The following ANKRD55 variants were observed in gnomAD, a reference collection of about 807,000 sequenced individuals.
ANKRD55 encodes ankyrin repeat domain-containing protein 55.
A neutral mutation model predicts 60.6 loss-of-function variants in ANKRD55; 41 were observed. The observed-to-expected ratio is 0.68, with a 90% CI of 0.53 to 0.88. The LOEUF is 0.88. Ranked by LOEUF, ANKRD55 falls within the 40% of genes least tolerant of loss-of-function variation. The pLI, the probability that ANKRD55 is intolerant of heterozygous loss-of-function variation, is 0.00. For missense variants in ANKRD55, 732 were observed against 767.6 expected (o/e 0.95, Z 0.55); for synonymous variants, 264 against 290.3 (o/e 0.91, Z 0.92).
At chr5:56,152,904 A>G (rs141998899) in intron 6 of ANKRD55, among the ~76,000 whole-genome samples, 14 of 152,146 alleles carry the variant, frequency 9.2e-5, no homozygotes, top group Non-Finnish European at 1.9e-4. Flanking sequence ...TTAAAAAGAC[A>G]TCAAAAGAAA....
intron 2 of ANKRD55, among the ~76,000 whole-genome samples, chr5:56,194,298 A>G (rs1317843916): frequency 2.0e-5 from 3 of 150,920 alleles, no homozygotes; most frequent in Admixed American, 6.6e-5. Context: ...CCTGGGTGAC[A>G]GAGTGAGACT....
chr5:56,191,789 T>C (rs566270417), intron 2 of ANKRD55, among the ~76,000 whole-genome samples: 8 of 152,304 alleles, frequency 5.3e-5, no homozygotes, highest in South Asian at 2.1e-4. Context: ...GGCCCTGCGA[T>C]GTACACTAAA....
intron 2 of ANKRD55, among the ~76,000 whole-genome samples, chr5:56,220,697 CAGCTACTTAGG>C (rs1759937640): frequency 1.3e-5 from 2 of 151,926 alleles, no homozygotes; most frequent in Admixed American, 1.3e-4. Context: ...TCTGTAATCC[CAGCTACTTAGG>C]AGGCTGAGGC....
chr5:56,193,549 T>C, intron 2 of ANKRD55: 1 of 394,294 alleles, frequency 2.5e-6, no homozygotes, highest in African/African-American at 2.1e-5. Flanking sequence ...TTTATACAGA[T>C]ATCAAGCTAC....
At chr5:56,192,511 G>C (rs867938672) in intron 2 of ANKRD55, 15 of 284,090 alleles carry the variant, frequency 5.3e-5, no homozygotes, top group Middle Eastern at 2.3e-3. Flanking sequence ...AGGGGCAAGA[G>C]GGAGCCACGG....
intron 3 of ANKRD55, among the ~76,000 whole-genome samples, chr5:56,180,936 C>T (rs1758837210): frequency 6.6e-6 from 1 of 152,176 alleles, no homozygotes; most frequent in Non-Finnish European, 1.5e-5. Flanking sequence ...CAGTGGCTCA[C>T]ACCTGTAATC....
intron 2 of ANKRD55, among the ~76,000 whole-genome samples, chr5:56,184,105 C>T (rs1758913265): frequency 6.6e-6 from 1 of 152,212 alleles, no homozygotes; most frequent in Non-Finnish European, 1.5e-5. Context: ...ATTCTGTACC[C>T]TGAGGACTGA....
chr5:56,141,149 T>TTTA (rs1757754053), intron 7 of ANKRD55, among the ~76,000 whole-genome samples: 1 of 150,382 alleles, frequency 6.6e-6, no homozygotes, highest in African/African-American at 2.4e-5. Flanking sequence ...TTTTTTTTTT[T>TTTA]TATATAGAGA....
At chr5:56,222,090 C>T (rs1320508322) in intron 2 of ANKRD55, among the ~76,000 whole-genome samples, 2 of 151,882 alleles carry the variant, frequency 1.3e-5, no homozygotes, top group Non-Finnish European at 2.9e-5. Context: ...CTGGGAGGCA[C>T]CTCCCAGTAG....
chr5:56,151,332 T>A (rs988400747), intron 6 of ANKRD55, among the ~76,000 whole-genome samples: 4 of 152,154 alleles, frequency 2.6e-5, no homozygotes, highest in Non-Finnish European at 2.9e-5. Flanking sequence ...ACACCTCTAA[T>A]ACCATGAAAA....
intron 11 of ANKRD55, among the ~76,000 whole-genome samples, chr5:56,102,035 A>G (rs559195014): frequency 2.8e-4 from 43 of 152,312 alleles, no homozygotes; most frequent in African/African-American, 1.0e-3. Context: ...AAAAAGCTTT[A>G]AAGATGGTCT....
At chr5:56,157,198 A>G (rs1758214246) in intron 6 of ANKRD55, among the ~76,000 whole-genome samples, 1 of 152,168 alleles carries the variant, frequency 6.6e-6, no homozygotes, top group Non-Finnish European at 1.5e-5. Context: ...GCTATGCAGG[A>G]TGTGCTTTGT....
chr5:56,142,273 G>T (rs1177512219), intron 7 of ANKRD55, among the ~76,000 whole-genome samples: 1 of 152,148 alleles, frequency 6.6e-6, no homozygotes, highest in Non-Finnish European at 1.5e-5. Flanking sequence ...GGTGGAGGTT[G>T]CAGTGAGCTG....
chr5:56,126,635 G>A (rs945950337), intron 8 of ANKRD55, among the ~76,000 whole-genome samples: 1 of 151,894 alleles, frequency 6.6e-6, no homozygotes, highest in African/African-American at 2.4e-5. Flanking sequence ...AACAAAGAGG[G>A]CACATAGCAG....
intron 6 of ANKRD55, among the ~76,000 whole-genome samples, chr5:56,149,002 C>A (rs1486702416): frequency 1.3e-5 from 2 of 151,998 alleles, no homozygotes; most frequent in Admixed American, 1.3e-4. Context: ...TATATGATCA[C>A]CCCCAACAAA....
In ANKRD55 at chr5:56,099,805, AG is replaced by A. The variant is rs1756214201; in HGVS notation, c.*377del. The A allele has an allele frequency of 6.3e-6, 1 of 159,314 alleles. No individual in the cohort carries two copies. The highest frequency in any genetic ancestry group is 1.4e-5 in the Non-Finnish European group (1 of 73,050). The allele number at this position is 159,314 out of a possible 1,614,324, so 9.9% of individuals were successfully genotyped here. A position where few individuals can be genotyped will look rare whatever the true frequency, so the allele number is the denominator to read the frequency against. ...TTTGTTTTGTTTTTTGCTTTTATTC[AG>A]CAAAGCGTACTTTTTTTCCCAAAAC... On this transcript the variant is annotated 3_prime_UTR_variant, in exon 12 of 12. Coordinates refer to ENST00000341048, the MANE Select transcript of ANKRD55 (RefSeq NM_024669.3).
rs1760208962 is a variant in ANKRD55 at position 56,229,946 on chromosome 5, T to C, written c.58+2910A>G. 2.0e-5 allele frequency among the ~76,000 whole-genome samples: 3 copies of C among 152,242 alleles called. No individual in the cohort carries two copies. The South Asian group carries it at 6.2e-4, about 32-fold the overall frequency. ...TGCTTTAGTTCCCTCATCTGAAATG[T>C]GGAAGAGGGGTAGGTTGGATGACTG... On this transcript the variant is annotated intron_variant, in intron 2 of 11. Transcript: ENST00000341048.
chr5:56,190,218 G>C (rs1759061883), intron 2 of ANKRD55, among the ~76,000 whole-genome samples: 1 of 152,150 alleles, frequency 6.6e-6, no homozygotes, highest in Non-Finnish European at 1.5e-5. Context: ...TATATATTCT[G>C]AATATTAAAC....
chr5:56,154,889 T>C (rs1371651296), intron 6 of ANKRD55, among the ~76,000 whole-genome samples: 2 of 152,082 alleles, frequency 1.3e-5, no homozygotes. Flanking sequence ...GAGCCGGGCC[T>C]CAAAGATCTT....
Sources: gnomAD v4.1 joint callset for allele counts (sites outside exome capture counted in the v4.1 genomes callset) on GRCh38, gnomAD v4.1.1 for gene constraint, MANE v1.5 for transcripts, NCBI Gene and HGNC (gene_info 2026-07-23, HGNC 2026-07-21) for gene names.